The following TBC1D5 variants were observed in gnomAD, a reference collection of about 807,000 sequenced individuals.
TBC1D5 encodes TBC1 domain family member 5.
In TBC1D5, 75 loss-of-function variants were observed where a neutral mutation model predicts 100.3. The ratio of observed to expected loss-of-function variants is 0.75; its 90% CI spans 0.62 to 0.91. The LOEUF (loss-of-function observed/expected upper bound fraction) is 0.91, where lower values mean the gene tolerates loss of function less well. Among genes scored for constraint, TBC1D5 ranks in the 40% least tolerant of loss-of-function variants. The pLI, the probability that TBC1D5 is intolerant of heterozygous loss-of-function variation, is 0.00. For synonymous variants in TBC1D5, 323 were observed against 325.6 expected, an observed-to-expected ratio of 0.99 and a Z score of 0.09; for missense variants, 910 against 942.4, an observed-to-expected ratio of 0.97 and a Z score of 0.45.
chr3:17,352,070 C>T (rs2090667393), intron 13 of TBC1D5, among the ~76,000 whole-genome samples: 1 of 151,270 alleles, frequency 6.6e-6, no homozygotes, highest in African/African-American at 2.4e-5. Flanking sequence ...CCCCATGAAC[C>T]CAGATAATCT....
chr3:17,402,160 G>T (rs2093665276), intron 8 of TBC1D5, among the ~76,000 whole-genome samples: 2 of 152,084 alleles, frequency 1.3e-5, no homozygotes, highest in Admixed American at 6.6e-5. Flanking sequence ...TAAAGAAATT[G>T]TATTTGTTAA....
chr3:17,160,860 G>A, exon 22 of TBC1D5: 1 of 1,388,184 alleles, frequency 7.2e-7, no homozygotes, highest in South Asian at 1.5e-5. Context: ...TGCCGGGAAG[G>A]AAGCAGTGGT....
In TBC1D5 at chr3:17,543,307, C is replaced by A. The variant is rs560497611; in HGVS notation, c.-35-34702G>T. Among the ~76,000 whole-genome samples the A allele has an allele frequency of 3.9e-5, 6 of 152,158 alleles. No homozygotes were observed. The South Asian group carries it at 1.2e-3, about 32-fold the overall frequency. On this transcript the variant is annotated intron_variant, in intron 2 of 21. Transcript: ENST00000253692. The stretch of plus-strand genomic sequence containing the variant: ...TTGGGGTGGCGTTCCTAATCAAAGT[C>A]TTAGGATCAAGTATTATAACCAAAA...
chr3:17,162,341 A>C (rs2066143698), intron 21 of TBC1D5, among the ~76,000 whole-genome samples: 1 of 152,208 alleles, frequency 6.6e-6, no homozygotes, highest in East Asian at 1.9e-4. Flanking sequence ...CAGAGCCAAG[A>C]AGGGGAATGA....
chr3:17,693,598 G>T (rs1440955742), intron 1 of TBC1D5, among the ~76,000 whole-genome samples: 2 of 152,236 alleles, frequency 1.3e-5, no homozygotes, highest in Admixed American at 6.5e-5. Flanking sequence ...ACTGGGCGGA[G>T]CCCACTGCAG....
chr3:17,485,172 A>AT (rs1201216643), intron 3 of TBC1D5, among the ~76,000 whole-genome samples: 2 of 152,038 alleles, frequency 1.3e-5, no homozygotes, highest in African/African-American at 4.8e-5. Context: ...GAATGGGTTT[A>AT]TTTTTTTAAA....
At chr3:17,642,464 C>A (rs532366704) in intron 1 of TBC1D5, among the ~76,000 whole-genome samples, 1 of 151,970 alleles carries the variant, frequency 6.6e-6, no homozygotes, top group Non-Finnish European at 1.5e-5. Context: ...AGTCAGTATC[C>A]GTCAGAACTA....
chr3:17,685,402 CTAAA>C (rs766033715), intron 1 of TBC1D5, among the ~76,000 whole-genome samples: 41 of 151,884 alleles, frequency 2.7e-4, no homozygotes, highest in Non-Finnish European at 4.4e-4. Context: ...AAATAATTTA[CTAAA>C]TAATCAAATA....
rs372160449 is a variant in TBC1D5, at chr3:17,258,977, G to A, written c.1246-386C>T. The stretch of plus-strand genomic sequence containing the variant: ...TAAGGTGTCAAGGTAACTGCATTTC[G>A]GGGGAAGAGAAAGTCATTAGTTTTT... On this transcript the variant is annotated intron_variant, in intron 15 of 21. Coordinates refer to ENST00000253692, the Ensembl canonical transcript of TBC1D5. Among the ~76,000 whole-genome samples, 5 of 152,018 alleles carry A rather than the reference G, an allele frequency of 3.3e-5. No individual in the cohort carries two copies. In the East Asian group the frequency reaches 9.6e-4, roughly 29 times the overall value.
At chr3:17,450,270 A>G (rs1478410589) in intron 3 of TBC1D5, among the ~76,000 whole-genome samples, 1 of 152,226 alleles carries the variant, frequency 6.6e-6, no homozygotes, top group Non-Finnish European at 1.5e-5. Context: ...ATCCACGAAG[A>G]TAAGGAAAAA....
At chr3:17,492,077 T>A (rs1398162010) in intron 3 of TBC1D5, among the ~76,000 whole-genome samples, 1 of 152,244 alleles carries the variant, frequency 6.6e-6, no homozygotes, top group African/African-American at 2.4e-5. Flanking sequence ...TCTGGTTTAT[T>A]TGCATAGAGT....
chr3:17,324,901 G>A (rs749319396), intron 13 of TBC1D5, among the ~76,000 whole-genome samples: 4 of 152,136 alleles, frequency 2.6e-5, no homozygotes, highest in Non-Finnish European at 5.9e-5. Flanking sequence ...AGATATTACT[G>A]CAGATCCATT....
chr3:17,304,929 T>C (rs1366716720), intron 14 of TBC1D5, among the ~76,000 whole-genome samples: 1 of 152,202 alleles, frequency 6.6e-6, no homozygotes, highest in Non-Finnish European at 1.5e-5. Context: ...TCCATATTCT[T>C]TGTTTTTATT....
intron 3 of TBC1D5, among the ~76,000 whole-genome samples, chr3:17,470,360 A>G (rs1196760037): frequency 6.6e-6 from 1 of 152,238 alleles, no homozygotes; most frequent in Non-Finnish European, 1.5e-5. Context: ...CTTATATCAA[A>G]GCATTACCAA....
chr3:17,297,173 T>C (rs764135274), intron 14 of TBC1D5, among the ~76,000 whole-genome samples: 32 of 152,222 alleles, frequency 2.1e-4, no homozygotes, highest in Non-Finnish European at 4.4e-4. Context: ...GGAATGCCGT[T>C]TGTACTATGA....
chr3:17,187,242 C>G (rs557495699), intron 18 of TBC1D5, among the ~76,000 whole-genome samples: 37 of 152,292 alleles, frequency 2.4e-4, no homozygotes, highest in African/African-American at 8.7e-4. Context: ...CTGGACTGGC[C>G]TATGACTTGC....
chr3:17,669,128 G>A (rs114409354), intron 1 of TBC1D5, among the ~76,000 whole-genome samples: 5,233 of 152,216 alleles, frequency 0.034, 330 homozygotes, highest in East Asian at 0.24. Context: ...TCATGATAGT[G>A]AGTGAGTTCT....
intron 18 of TBC1D5, among the ~76,000 whole-genome samples, chr3:17,202,919 G>A (rs552370565): frequency 1.2e-4 from 19 of 152,356 alleles, no homozygotes; most frequent in South Asian, 1.2e-3. Context: ...AGTGCAGAGG[G>A]GAAATGTGGG....
chr3:17,654,914 T>C (rs1462148963), intron 1 of TBC1D5, among the ~76,000 whole-genome samples: 2 of 152,128 alleles, frequency 1.3e-5, no homozygotes, highest in African/African-American at 2.4e-5. Flanking sequence ...GAGCAATTTA[T>C]CCATTTCTTC....
Sources: gnomAD v4.1 joint callset for allele counts (sites outside exome capture counted in the v4.1 genomes callset) on GRCh38, gnomAD v4.1.1 for gene constraint, MANE v1.5 for transcripts, NCBI Gene and HGNC (gene_info 2026-07-23, HGNC 2026-07-21) for gene names.